Variants in FAM227B observed in about 807,000 individuals in gnomAD.
FAM227B encodes family with sequence similarity 227 member B.
Under a neutral mutation model 73.8 loss-of-function variants are expected in FAM227B, and 88 were observed. The observed-to-expected ratio is 1.19, with a 90% CI of 1.00 to 1.42. FAM227B has a LOEUF of 1.42. Ranked by LOEUF, FAM227B falls within the 40% of genes most tolerant of loss-of-function variation. FAM227B has a pLI of 0.00. For missense variants in FAM227B, 632 were observed against 590.9 expected, an observed-to-expected ratio of 1.07 and a Z score of -0.72; for synonymous variants, 210 against 190.5, an observed-to-expected ratio of 1.10 and a Z score of -0.84.
chr15:49,452,320 T>C (rs2052830132), intron 11 of FAM227B, among the ~76,000 whole-genome samples: 1 of 152,182 alleles, frequency 6.6e-6, no homozygotes, highest in South Asian at 2.1e-4. Flanking sequence ...CCCACTGTTC[T>C]GGGATTACAG....
chr15:49,531,918 T>G (rs2152229700), intron 10 of FAM227B, among the ~76,000 whole-genome samples: 1 of 151,962 alleles, frequency 6.6e-6, no homozygotes, highest in Non-Finnish European at 1.5e-5. Context: ...TTAATAAGTT[T>G]GTTACTAGAT....
chr15:49,506,325 T>G (rs1419994390), intron 11 of FAM227B, among the ~76,000 whole-genome samples: 1 of 152,026 alleles, frequency 6.6e-6, no homozygotes, highest in African/African-American at 2.4e-5. Context: ...GTTTTTGTTT[T>G]TTACAACCCT....
chr15:49,566,348 A>C (rs1048710951), intron 9 of FAM227B, among the ~76,000 whole-genome samples: 1 of 152,218 alleles, frequency 6.6e-6, no homozygotes, highest in East Asian at 1.9e-4. Context: ...AATGTTGAAC[A>C]AGGTGAATAA....
rs374430098 is a variant in FAM227B at position 49,478,130 on chromosome 15, C to A, written c.1012+30081G>T. On this transcript the variant is annotated intron_variant, in intron 11 of 15. Coordinates refer to ENST00000299338, the MANE Select transcript of FAM227B (RefSeq NM_152647.3). ...TTGCCATCTTTATGTCCCTAAGTAC[C>A]CAGTGTTTAGCTCCCACTTATAAGG... Among the ~76,000 whole-genome samples, 23 of 152,172 alleles carry A rather than the reference C, an allele frequency of 1.5e-4. 1 individual carries two copies. In the East Asian group the frequency reaches 3.9e-3, roughly 26 times the overall value.
chr15:49,525,665 A>AACATATATATAT (rs1330573300), intron 10 of FAM227B, among the ~76,000 whole-genome samples: 7 of 81,494 alleles, frequency 8.6e-5, no homozygotes, highest in East Asian at 4.3e-4. Context: ...AGGGTGGAGA[A>AACATATATATAT]ATATATATAT....
intron 3 of FAM227B, among the ~76,000 whole-genome samples, chr15:49,592,303 T>C (rs1296612236): frequency 1.3e-5 from 2 of 152,234 alleles, no homozygotes; most frequent in African/African-American, 4.8e-5. Context: ...CTTTGTGGTT[T>C]TATCTAACTT....
At chr15:49,588,691 G>A (rs973725776) in intron 4 of FAM227B, among the ~76,000 whole-genome samples, 24 of 147,410 alleles carry the variant, frequency 1.6e-4, no homozygotes, top group Non-Finnish European at 2.1e-4. Flanking sequence ...ATTACAAGAC[G>A]AATTTATACA....
chr15:49,442,924 G>C (rs942058386), intron 11 of FAM227B, among the ~76,000 whole-genome samples: 7 of 151,734 alleles, frequency 4.6e-5, no homozygotes, highest in Non-Finnish European at 8.8e-5. Context: ...ACTGGAAGTG[G>C]GAGAGTCAAA....
intron 11 of FAM227B, among the ~76,000 whole-genome samples, chr15:49,409,596 G>T (rs1469562856): frequency 3.3e-5 from 5 of 151,168 alleles, no homozygotes; most frequent in African/African-American, 1.2e-4. Flanking sequence ...ACAGTGGCTG[G>T]CACTTAATAA....
chr15:49,601,191 T>C (rs2077185462), intron 3 of FAM227B, among the ~76,000 whole-genome samples: 1 of 150,494 alleles, frequency 6.6e-6, no homozygotes, highest in Admixed American at 6.6e-5. Flanking sequence ...AATAGTAACT[T>C]CATTCTCTTC....
rs530641710 is a variant in FAM227B at position 49,366,556 on chromosome 15, C to A, written c.1271+892G>T. ...GAGCTGACCAATGGGGGTTATAAAG[C>A]ATGCAGTAGTCCTTGGATGTGCCAT... On this transcript the variant is annotated intron_variant, in intron 13 of 15. Transcript: ENST00000299338. 6 of 1,591,276 alleles carry A rather than the reference C, an allele frequency of 3.8e-6. No homozygotes were observed. In the African/African-American group the frequency reaches 6.7e-5, roughly 18 times the overall value.
In FAM227B at chr15:49,609,397, AAG is replaced by A. The variant is rs574530160; in HGVS notation, c.105+1816_105+1817del. On this transcript the variant is annotated intron_variant, in intron 3 of 15. Transcript: ENST00000299338. ...ATAGAAATGGTAGGAACTGGCAAAAAAGAGAGGACTTTAGATGATATGATAAA... is the reference window on the plus strand; with the variant it reads ...ATAGAAATGGTAGGAACTGGCAAAAAAGAGGACTTTAGATGATATGATAAA... 6.6e-5 allele frequency among the ~76,000 whole-genome samples: 10 copies of A among 152,022 alleles called. No individual in the cohort carries two copies. In the South Asian group the frequency reaches 2.1e-3, roughly 32 times the overall value.
intron 11 of FAM227B, among the ~76,000 whole-genome samples, chr15:49,455,038 T>A (rs962170849): frequency 2.0e-5 from 3 of 152,170 alleles, no homozygotes; most frequent in Non-Finnish European, 2.9e-5. Context: ...TGATTTAAAG[T>A]GTAGTTGGGG....
intron 11 of FAM227B, among the ~76,000 whole-genome samples, chr15:49,409,839 T>C (rs1021485503): frequency 6.6e-6 from 1 of 152,130 alleles, no homozygotes; most frequent in Non-Finnish European, 1.5e-5. Flanking sequence ...TTTAACTTTA[T>C]AAAATGCTTA....
rs1374954921 is a variant in FAM227B at position 49,508,356 on chromosome 15, T to C, written c.875-8A>G. 1.9e-6 allele frequency: 3 copies of C among 1,562,330 alleles called. No homozygotes were observed. Among genetic ancestry groups the C allele is most frequent in the South Asian group, 1.2e-5 (1 of 82,606 alleles). On this transcript the variant is annotated splice_polypyrimidine_tract_variant and splice_region_variant and intron_variant, in intron 10 of 15. Coordinates refer to ENST00000299338, the MANE Select transcript of FAM227B (RefSeq NM_152647.3). ...CTTTTTGAGGTTTTAAACCTGTTAA[T>C]ATAAAATACATATTTAGCCAAATAA...
At chr15:49,360,973 CT>C (rs1248270813) in intron 13 of FAM227B, among the ~76,000 whole-genome samples, 2 of 152,094 alleles carry the variant, frequency 1.3e-5, no homozygotes, top group Non-Finnish European at 2.9e-5. Flanking sequence ...CATCCTCCCT[CT>C]TGTGATTTAG....
At chr15:49,362,739 G>GT (rs1389186460) in intron 13 of FAM227B, among the ~76,000 whole-genome samples, 7 of 148,118 alleles carry the variant, frequency 4.7e-5, no homozygotes, top group Admixed American at 2.0e-4. Context: ...ATCTTCCAGA[G>GT]TTTTTTTAAT....
chr15:49,340,213 A>G (rs2040463693), intron 13 of FAM227B, among the ~76,000 whole-genome samples: 1 of 152,110 alleles, frequency 6.6e-6, no homozygotes, highest in Admixed American at 6.5e-5. Context: ...ACAGCCGCCC[A>G]GTTTTGTGCT....
At chr15:49,347,923 G>A (rs1162466210) in intron 13 of FAM227B, among the ~76,000 whole-genome samples, 1 of 150,808 alleles carries the variant, frequency 6.6e-6, no homozygotes, top group Non-Finnish European at 1.5e-5. Flanking sequence ...GGAGGCTGAG[G>A]CAGGAGAATT....
Sources: allele counts gnomAD v4.1 joint callset (sites outside exome capture counted in the v4.1 genomes callset), GRCh38; gene constraint gnomAD v4.1.1; transcripts MANE v1.5; gene names NCBI Gene and HGNC (gene_info 2026-07-23, HGNC 2026-07-21).